SLTM: variants seen among roughly 807,000 people sequenced by gnomAD.
SLTM encodes the protein SAFB like transcription modulator.
Under a neutral mutation model 134.6 loss-of-function variants are expected in SLTM, and 43 were observed. That is an observed-to-expected ratio of 0.32 (90% confidence interval 0.25 to 0.41). SLTM has a LOEUF of 0.41. SLTM is among the 10% of genes least tolerant of loss of function. SLTM has a pLI of 1.00. For synonymous variants in SLTM, 424 were observed against 432.3 expected (o/e 0.98, Z 0.24); for missense variants, 1,055 against 1,288.8 (o/e 0.82, Z 2.78).
intron 2 of SLTM, among the ~76,000 whole-genome samples, chr15:58,926,183 G>A (rs2037452878): frequency 6.6e-6 from 1 of 152,164 alleles, no homozygotes; most frequent in African/African-American, 2.4e-5. Context: ...AACGCAGAGT[G>A]CAGATCATGA....
Position 58,909,188 on chromosome 15 carries a change from A to C in SLTM, c.561+3375T>G, listed in dbSNP as rs139003716. 5.8e-3 allele frequency among the ~76,000 whole-genome samples: 890 copies of C among 152,328 alleles called. 7 individuals carry two copies. Among genetic ancestry groups the C allele is most frequent in the African/African-American group, 0.021 (865 of 41,558 alleles). On this transcript the variant is annotated intron_variant, in intron 5 of 20. Coordinates refer to ENST00000380516, the MANE Select transcript of SLTM (RefSeq NM_024755.4). ...CATACCAGCAAGCAAGGAATCAATC[A>C]AAGTCTACTAGGATCATGTTGAGAA...
At chr15:58,913,378 A>C in intron 4 of SLTM, 121 bp downstream of exon 4, 1 of 780,040 alleles carries the variant, frequency 1.3e-6, no homozygotes, top group South Asian at 2.3e-5. Flanking sequence ...ACTTATAAGT[A>C]GCTTTAGTAA....
At chr15:58,895,042 T>A (rs561443378) in intron 9 of SLTM, among the ~76,000 whole-genome samples, 1 of 152,316 alleles carries the variant, frequency 6.6e-6, no homozygotes, top group African/African-American at 2.4e-5. Context: ...ACGTTACCCA[T>A]CTTAGTAAAT....
chr15:58,886,509 T>C (rs1319968343), intron 19 of SLTM, among the ~76,000 whole-genome samples: 1 of 152,080 alleles, frequency 6.6e-6, no homozygotes, highest in Non-Finnish European at 1.5e-5. Context: ...TCAGGCGATC[T>C]GCCCACCTCG....
At chr15:58,900,058 GAAAA>G (rs35822874) in intron 6 of SLTM, 121 bp from the exon 7 acceptor site, 5 of 516,562 alleles carry the variant, frequency 9.7e-6, no homozygotes, top group Admixed American at 3.5e-5. Flanking sequence ...GGAAGTTAGG[GAAAA>G]AAAAAAAAAA....
intron 2 of SLTM, among the ~76,000 whole-genome samples, chr15:58,925,289 C>T (rs1389760752): frequency 4.6e-5 from 7 of 152,124 alleles, no homozygotes; most frequent in African/African-American, 1.2e-4. Context: ...TTCTGAAAGG[C>T]CTTGCACATT....
At chr15:58,924,797 C>T (rs1200316874) in intron 2 of SLTM, among the ~76,000 whole-genome samples, 1 of 152,042 alleles carries the variant, frequency 6.6e-6, no homozygotes, top group Non-Finnish European at 1.5e-5. Flanking sequence ...AAATACCTCC[C>T]AAACAAAAAC....
At chr15:58,931,538 TGTAG>T (rs1217500433) in intron 2 of SLTM, among the ~76,000 whole-genome samples, 1 of 152,164 alleles carries the variant, frequency 6.6e-6, no homozygotes, top group Non-Finnish European at 1.5e-5. Context: ...GCATGAAAAT[TGTAG>T]GTAAAGACCA....
At chr15:58,920,627 T>TAATCAATAAATA in intron 2 of SLTM, among the ~76,000 whole-genome samples, 1 of 139,720 alleles carries the variant, frequency 7.2e-6, no homozygotes, top group African/African-American at 2.7e-5. Flanking sequence ...CATCTCAAAA[T>TAATCAATAAATA]AATAAATAAA....
intron 2 of SLTM, among the ~76,000 whole-genome samples, chr15:58,931,498 A>G (rs1394122677): frequency 6.6e-6 from 1 of 152,252 alleles, no homozygotes; most frequent in Non-Finnish European, 1.5e-5. Flanking sequence ...TAGATTACAA[A>G]AAATGCAGCA....
At chr15:58,912,655 G>A in intron 4 of SLTM, 45 bp from the exon 5 acceptor site, 1 of 1,496,472 alleles carries the variant, frequency 6.7e-7, no homozygotes, top group South Asian at 1.2e-5. Context: ...AAAATATCGG[G>A]GTAACGTGAG....
At chr15:58,906,039 A>G (rs2035846152) in intron 5 of SLTM, among the ~76,000 whole-genome samples, 1 of 152,232 alleles carries the variant, frequency 6.6e-6, no homozygotes, top group African/African-American at 2.4e-5. Flanking sequence ...GTAAATGCCT[A>G]TTGATTTTAC....
chr15:58,902,351 T>C (rs946201323), intron 5 of SLTM, among the ~76,000 whole-genome samples: 1 of 151,734 alleles, frequency 6.6e-6, no homozygotes, highest in Middle Eastern at 3.4e-3. Context: ...GGATTACAGA[T>C]GCAAACCACT....
At chr15:58,921,241 C>A (rs2037023142) in intron 2 of SLTM, among the ~76,000 whole-genome samples, 3 of 152,142 alleles carry the variant, frequency 2.0e-5, no homozygotes, top group African/African-American at 7.2e-5. Flanking sequence ...GCCCCTTTTA[C>A]AAAAGAGACA....
intron 5 of SLTM, among the ~76,000 whole-genome samples, chr15:58,902,340 G>C (rs2035540302): frequency 6.6e-6 from 1 of 151,804 alleles, no homozygotes; most frequent in Non-Finnish European, 1.5e-5. Context: ...CCAAGTAGCT[G>C]GGATTACAGA....
At chr15:58,896,402 A>C (rs963688056) in intron 9 of SLTM, among the ~76,000 whole-genome samples, 11 of 152,116 alleles carry the variant, frequency 7.2e-5, no homozygotes, top group African/African-American at 2.4e-4. Flanking sequence ...TCTACTAAAA[A>C]TACAAAAATT....
Position 58,933,601 on chromosome 15 carries a change from G to A in SLTM, c.-36C>T, listed in dbSNP as rs777101139. On this transcript the variant is annotated 5_prime_UTR_variant, in exon 1 of 21. Transcript: ENST00000380516. ...CAGCGCGCTGCCGAGGCAGCGAGTG[G>A]GCTGCAGGGCGGCGGCAGCAGCGCC... The A allele has an allele frequency of 2.0e-6, 3 of 1,527,464 alleles. No homozygotes were observed. Among genetic ancestry groups the A allele is most frequent in the South Asian group, 1.2e-5 (1 of 84,022 alleles). The allele number at this position is 1,527,464 out of a possible 1,614,324, so 94.6% of individuals were successfully genotyped here.
At chr15:58,917,799 G>A (rs2036752016) in intron 2 of SLTM, among the ~76,000 whole-genome samples, 1 of 152,010 alleles carries the variant, frequency 6.6e-6, no homozygotes, top group Admixed American at 6.6e-5. Flanking sequence ...GCCCAGGCTG[G>A]AATGCAGTGG....
intron 12 of SLTM, 28 bp from the exon 13 acceptor site, chr15:58,893,392 T>C: frequency 6.7e-7 from 1 of 1,502,636 alleles, no homozygotes; most frequent in Non-Finnish European, 9.1e-7. Context: ...TATAAAACAA[T>C]GTCTAAAATT....
Sources: gnomAD v4.1 joint callset for allele counts (sites outside exome capture counted in the v4.1 genomes callset) on GRCh38, gnomAD v4.1.1 for gene constraint, MANE v1.5 for transcripts, NCBI Gene and HGNC (gene_info 2026-07-23, HGNC 2026-07-21) for gene names.